The following FAM20C variants were observed in gnomAD, a reference collection of about 807,000 sequenced individuals.
The protein encoded by FAM20C is extracellular serine/threonine protein kinase FAM20C.
Under a neutral mutation model 51.5 loss-of-function variants are expected in FAM20C, and 40 were observed. The observed-to-expected ratio is 0.78, with a 90% CI of 0.60 to 1.01. FAM20C has a LOEUF of 1.01. Ranked by LOEUF, FAM20C falls within the 50% of genes least tolerant of loss-of-function variation. FAM20C has a pLI of 0.00. For synonymous variants in FAM20C, 406 were observed against 380.6 expected (o/e 1.07, Z -0.78); for missense variants, 861 against 844.7 (o/e 1.02, Z -0.24).
At chr7:194,714 G>A (rs971240251) in intron 1 of FAM20C, among the ~76,000 whole-genome samples, 3 of 152,178 alleles carry the variant, frequency 2.0e-5, no homozygotes, top group Non-Finnish European at 4.4e-5. Flanking sequence ...CTGGGCTGTG[G>A]CTCTCGGCAG....
Position 192,605 on chromosome 7 carries a change from C to T in FAM20C, c.-595C>T, listed in dbSNP as rs1785608471. ...GGCCAGGCGGGAGCTGCGCTCGGGG[C>T]GGCCGCTGCACCTGCCCGGGACCCC... On this transcript the variant is annotated 5_prime_UTR_variant, in exon 1 of 10. Coordinates refer to ENST00000313766, the MANE Select transcript of FAM20C (RefSeq NM_020223.4). Among the ~76,000 whole-genome samples the T allele has an allele frequency of 6.6e-6, 1 of 150,488 alleles. No individual in the cohort carries two copies. Among genetic ancestry groups the T allele is most frequent in the Admixed American group, 6.6e-5 (1 of 15,148 alleles).
At chr7:206,899 C>T (rs62430284) in intron 2 of FAM20C, among the ~76,000 whole-genome samples, 1 of 31,718 alleles carries the variant, frequency 3.2e-5, no homozygotes, top group African/African-American at 1.6e-4. Flanking sequence ...TCCACTGTGA[C>T]GCGTCGGTCA....
At chr7:243,939 A>AT (rs201355920) in intron 3 of FAM20C, among the ~76,000 whole-genome samples, 7,330 of 134,150 alleles carry the variant, frequency 0.055, 232 homozygotes, top group Non-Finnish European at 0.071. Flanking sequence ...AATAATAATA[A>AT]TAATAATTAT....
intron 3 of FAM20C, among the ~76,000 whole-genome samples, chr7:236,794 G>C (rs1415423333): frequency 6.7e-6 from 1 of 148,838 alleles, no homozygotes; most frequent in African/African-American, 2.5e-5. Context: ...CCTGGAATCT[G>C]GGGTCCCGGT....
At chr7:259,667 C>T (rs554714032) in intron 9 of FAM20C, 64 bp from the exon 10 acceptor site, 324 of 1,424,064 alleles carry the variant, frequency 2.3e-4, no homozygotes, top group Non-Finnish European at 2.2e-4. Context: ...CACTTTCTCT[C>T]GCTTTCCCGT....
At chr7:213,388 T>TCCTGCAGTGTG (rs1786821078) in intron 3 of FAM20C, among the ~76,000 whole-genome samples, 1 of 152,016 alleles carries the variant, frequency 6.6e-6, no homozygotes, top group African/African-American at 2.4e-5. Flanking sequence ...GGCTCTGGAG[T>TCCTGCAGTGTG]TGTCCACTGC....
At chr7:248,226 C>T (rs1788246971) in intron 4 of FAM20C, 89 bp from the exon 5 acceptor site, 1 of 910,682 alleles carries the variant, frequency 1.1e-6, no homozygotes, top group Admixed American at 2.2e-5. Flanking sequence ...CACAGACCCT[C>T]CCCTGCCCCG....
chr7:241,079 C>CG (rs1554254182), intron 3 of FAM20C, among the ~76,000 whole-genome samples: 1 of 151,878 alleles, frequency 6.6e-6, no homozygotes, highest in Non-Finnish European at 1.5e-5. Flanking sequence ...GGGTGAGCTT[C>CG]GGGGTGAATT....
At chr7:219,146 C>T (rs62430301) in intron 3 of FAM20C, among the ~76,000 whole-genome samples, 8,065 of 152,214 alleles carry the variant, frequency 0.053, 264 homozygotes, top group Non-Finnish European at 0.082. Flanking sequence ...GTTCTTGTCC[C>T]TTCTCCGTGA....
At chr7:243,048 A>AGGAGACCTGTGCCACCTG in intron 3 of FAM20C, among the ~76,000 whole-genome samples, 1 of 116,660 alleles carries the variant, frequency 8.6e-6, no homozygotes, top group Non-Finnish European at 1.9e-5. Flanking sequence ...TGTGCCACCC[A>AGGAGACCTGTGCCACCTG]GGAGACCTGT....
At chr7:235,032 C>T (rs971863472) in intron 3 of FAM20C, among the ~76,000 whole-genome samples, 31,610 of 152,124 alleles carry the variant, frequency 0.21, 3,793 homozygotes, top group East Asian at 0.31. Context: ...ACTTGCTTCT[C>T]GGAAGTTCCC....
At chr7:222,247 T>C (rs962403842) in intron 3 of FAM20C, among the ~76,000 whole-genome samples, 14 of 152,122 alleles carry the variant, frequency 9.2e-5, no homozygotes, top group Admixed American at 7.2e-4. Context: ...GTGGGTGTTA[T>C]GGGTCAGTGG....
chr7:226,406 C>A (rs914258157), intron 3 of FAM20C, among the ~76,000 whole-genome samples: 25 of 152,270 alleles, frequency 1.6e-4, no homozygotes, highest in African/African-American at 5.8e-4. Flanking sequence ...CTCAGAGGGG[C>A]GTGCCACAAG....
In FAM20C at chr7:219,604, G is replaced by A. The variant is rs763420372; in HGVS notation, c.863+10628G>A. ...GGGGCCTTGGCTGAAGGCCTTGGGAGCCACAGGAAAAGCAATTCTGGCCAA... is the reference window on the plus strand; with the variant it reads ...GGGGCCTTGGCTGAAGGCCTTGGGAACCACAGGAAAAGCAATTCTGGCCAA... On this transcript the variant is annotated intron_variant, in intron 3 of 9. Transcript: ENST00000313766. Among the ~76,000 whole-genome samples, 76 of 152,202 alleles carry A rather than the reference G, an allele frequency of 5.0e-4. 1 individual carries two copies. Among genetic ancestry groups the A allele is most frequent in the Non-Finnish European group, 8.8e-4 (60 of 68,032 alleles).
chr7:226,908 G>T (rs904843245), intron 3 of FAM20C, among the ~76,000 whole-genome samples: 3 of 152,202 alleles, frequency 2.0e-5, no homozygotes, highest in Non-Finnish European at 2.9e-5. Flanking sequence ...AACCCTCAGA[G>T]AGTGCGGTTC....
At chr7:218,244 C>T (rs985303342) in intron 3 of FAM20C, among the ~76,000 whole-genome samples, 2 of 152,244 alleles carry the variant, frequency 1.3e-5, no homozygotes, top group Non-Finnish European at 2.9e-5. Flanking sequence ...GTGTTCACCA[C>T]GTGGCTGTGG....
Position 192,679 on chromosome 7 carries a change from C to T in FAM20C, c.-521C>T, listed in dbSNP as rs1424680759. Among the ~76,000 whole-genome samples the T allele has an allele frequency of 2.7e-5, 4 of 149,414 alleles. No individual in the cohort carries two copies. The highest frequency in any genetic ancestry group is 6.0e-5 in the Non-Finnish European group (4 of 66,872). On this transcript the variant is annotated 5_prime_UTR_variant, in exon 1 of 10. Coordinates refer to ENST00000313766, the MANE Select transcript of FAM20C (RefSeq NM_020223.4). ...CCTTCCGCCCTTCGCCCCCCCCTTCCCCCCAGCCCCGGTCTCCCGGGCGCG... is the reference window on the plus strand; with the variant it reads ...CCTTCCGCCCTTCGCCCCCCCCTTCTCCCCAGCCCCGGTCTCCCGGGCGCG...
intron 3 of FAM20C, among the ~76,000 whole-genome samples, chr7:231,612 T>C (rs1457178053): frequency 6.6e-6 from 1 of 152,090 alleles, no homozygotes; most frequent in Non-Finnish European, 1.5e-5. Flanking sequence ...GTGTTCTTGG[T>C]AAGCCCAAGT....
In FAM20C at chr7:195,728, C is replaced by T. The variant is rs748161528; in HGVS notation, c.780C>T (p.Ser260=). The change falls in exon 2 of 10, where the codon AGC becomes AGT. Residue 260 remains serine, a synonymous_variant. Coordinates refer to ENST00000313766, the MANE Select transcript of FAM20C (RefSeq NM_020223.4). Reference sequence around the variant, plus strand: ...ACCTCAGCTCCCAGAGGATCACCAGCGTGGGTAGGTGTCCTTGGGTGCACT... The same window carrying T: ...ACCTCAGCTCCCAGAGGATCACCAGTGTGGGTAGGTGTCCTTGGGTGCACT... ...LHDLSSQRIT[S]VAMKSGGTQL... The T allele has an allele frequency of 1.9e-5, 30 of 1,602,780 alleles. No homozygotes were observed. In the African/African-American group the frequency reaches 2.5e-4, roughly 14 times the overall value.
Sources: gnomAD v4.1 joint callset for allele counts (sites outside exome capture counted in the v4.1 genomes callset) on GRCh38, gnomAD v4.1.1 for gene constraint, MANE v1.5 for transcripts, NCBI Gene and HGNC (gene_info 2026-07-23, HGNC 2026-07-21) for gene names.